The following MVB12B variants were observed in gnomAD, a reference collection of about 807,000 sequenced individuals.
MVB12B encodes multivesicular body subunit 12B.
A neutral mutation model predicts 41.6 loss-of-function variants in MVB12B; 16 were observed. That is an observed-to-expected ratio of 0.38 (90% confidence interval 0.26 to 0.58). The LOEUF (loss-of-function observed/expected upper bound fraction) is 0.58, where lower values mean the gene tolerates loss of function less well. Ranked by LOEUF, MVB12B falls within the 20% of genes least tolerant of loss-of-function variation. The pLI is 0.62. For missense variants in MVB12B, 274 were observed against 380.2 expected, an observed-to-expected ratio of 0.72 and a Z score of 2.32; for synonymous variants, 133 against 139.7, an observed-to-expected ratio of 0.95 and a Z score of 0.34.
At chr9:126,492,160 T>A (rs1199803509) in intron 9 of MVB12B, among the ~76,000 whole-genome samples, 1 of 147,818 alleles carries the variant, frequency 6.8e-6, no homozygotes, top group Non-Finnish European at 1.5e-5. Context: ...CATGCAGTAC[T>A]GCCGGCTGCG....
intron 7 of MVB12B, among the ~76,000 whole-genome samples, chr9:126,470,459 C>G (rs1309619919): frequency 6.6e-6 from 1 of 152,190 alleles, no homozygotes. Context: ...TGCCCTGGAC[C>G]TGCATGAGGT....
intron 6 of MVB12B, among the ~76,000 whole-genome samples, chr9:126,413,780 T>C (rs1831717711): frequency 6.6e-6 from 1 of 152,036 alleles, no homozygotes; most frequent in African/African-American, 2.4e-5. Flanking sequence ...TGTATCCTCT[T>C]TTCATTGCAT....
At chr9:126,431,818 T>G (rs1444205549) in intron 7 of MVB12B, among the ~76,000 whole-genome samples, 1 of 152,230 alleles carries the variant, frequency 6.6e-6, no homozygotes, top group Non-Finnish European at 1.5e-5. Flanking sequence ...CTAGCCTTTC[T>G]GGATCTAAAT....
At chr9:126,390,280 A>G (rs1010434447) in intron 4 of MVB12B, among the ~76,000 whole-genome samples, 3 of 152,206 alleles carry the variant, frequency 2.0e-5, no homozygotes, top group Admixed American at 6.5e-5. Flanking sequence ...ATGTGTTGGC[A>G]CAGTGCATCC....
chr9:126,480,042 C>G lies in MVB12B; in HGVS notation c.758-1327C>G, dbSNP rs935331169. Among the ~76,000 whole-genome samples the G allele has an allele frequency of 2.0e-5, 3 of 152,194 alleles. No individual in the cohort carries two copies. The highest frequency in any genetic ancestry group is 2.1e-4 in the South Asian group (1 of 4,832). ...TGAAGGTTCCAGAGAAGTCATCATT[C>G]CAGGAGACACTGGGGGAAGCAAAGA... On this transcript the variant is annotated intron_variant, in intron 7 of 9. Coordinates refer to ENST00000361171, the MANE Select transcript of MVB12B (RefSeq NM_033446.3). The surrounding 1 kb of genome is among the most constrained non-coding windows in gnomAD (Gnocchi z 4.9).
At chr9:126,470,165 G>C (rs892391325) in intron 7 of MVB12B, among the ~76,000 whole-genome samples, 19 of 152,180 alleles carry the variant, frequency 1.2e-4, no homozygotes, top group African/African-American at 4.3e-4. Context: ...AAAAACAGGA[G>C]TGCAGCCATA....
chr9:126,432,872 G>T (rs1832365370), intron 7 of MVB12B, among the ~76,000 whole-genome samples: 1 of 152,224 alleles, frequency 6.6e-6, no homozygotes, highest in Non-Finnish European at 1.5e-5. Flanking sequence ...GACCTGGAGT[G>T]AATCGTGCTA....
At chr9:126,441,764 T>C (rs1374982775) in intron 7 of MVB12B, among the ~76,000 whole-genome samples, 1 of 152,232 alleles carries the variant, frequency 6.6e-6, no homozygotes, top group East Asian at 1.9e-4. Context: ...ATGTAATTAG[T>C]GATAACATTA....
intron 6 of MVB12B, chr9:126,397,300 A>C (rs986271652): frequency 6.1e-6 from 6 of 985,384 alleles, no homozygotes; most frequent in African/African-American, 1.7e-5. Flanking sequence ...GAGAGCTCTC[A>C]GAAGCCTGCT....
chr9:126,429,122 C>T (rs1156929266), intron 7 of MVB12B, among the ~76,000 whole-genome samples: 1 of 152,116 alleles, frequency 6.6e-6, no homozygotes, highest in African/African-American at 2.4e-5. Flanking sequence ...AATAATTGTG[C>T]TTGAACCAAG....
intron 7 of MVB12B, among the ~76,000 whole-genome samples, chr9:126,438,562 A>G (rs1832552165): frequency 6.6e-6 from 1 of 152,190 alleles, no homozygotes; most frequent in Non-Finnish European, 1.5e-5. Flanking sequence ...CCAGGTTCTC[A>G]GATAACACTC....
chr9:126,384,602 C>T (rs146889721), intron 3 of MVB12B, among the ~76,000 whole-genome samples: 113 of 152,170 alleles, frequency 7.4e-4, no homozygotes, highest in Middle Eastern at 3.4e-3. Context: ...AATCTCAGCT[C>T]ACTGCAGCCT....
At chr9:126,336,596 C>G (rs1478477932) in intron 1 of MVB12B, among the ~76,000 whole-genome samples, 1 of 152,240 alleles carries the variant, frequency 6.6e-6, no homozygotes, top group African/African-American at 2.4e-5. Flanking sequence ...AAGCTGGAAG[C>G]AGGCTTGCTC....
Position 126,467,240 on chromosome 9 carries a change from C to A in MVB12B, c.758-14129C>A, listed in dbSNP as rs1026002975. 2.0e-5 allele frequency among the ~76,000 whole-genome samples: 3 copies of A among 152,140 alleles called. No individual in the cohort carries two copies. In the East Asian group the frequency reaches 5.8e-4, roughly 29 times the overall value. On this transcript the variant is annotated intron_variant, in intron 7 of 9. Transcript: ENST00000361171. ...TAGATCCTATCCTTTACTTCAGTAT[C>A]CTGTACCTTGTGTAATATCCCTTGT...
At chr9:126,451,019 G>T (rs918965944) in intron 7 of MVB12B, among the ~76,000 whole-genome samples, 1 of 152,204 alleles carries the variant, frequency 6.6e-6, no homozygotes, top group African/African-American at 2.4e-5. Flanking sequence ...TGGGCTCTGC[G>T]GTGAGTGGCT....
chr9:126,400,072 G>T (rs544662759), intron 6 of MVB12B, among the ~76,000 whole-genome samples: 4 of 152,316 alleles, frequency 2.6e-5, no homozygotes, highest in Middle Eastern at 3.4e-3. Context: ...GGCCCTGAGT[G>T]GAGTCCTGCT....
chr9:126,482,242 C>G (rs1833539025), intron 8 of MVB12B, among the ~76,000 whole-genome samples: 1 of 152,268 alleles, frequency 6.6e-6, no homozygotes, highest in African/African-American at 2.4e-5. Flanking sequence ...AAACCCGTTT[C>G]TGGTTTTGAT....
intron 7 of MVB12B, among the ~76,000 whole-genome samples, chr9:126,457,651 G>T (rs143970423): frequency 3.3e-5 from 5 of 152,084 alleles, no homozygotes; most frequent in African/African-American, 7.2e-5. Flanking sequence ...GTGAGGATGC[G>T]GTTGCCAGTA....
At chr9:126,404,788 G>A (rs1831370896) in intron 6 of MVB12B, among the ~76,000 whole-genome samples, 1 of 152,232 alleles carries the variant, frequency 6.6e-6, no homozygotes, top group South Asian at 2.1e-4. Flanking sequence ...TTTAAGCAGG[G>A]TTACGAGCAG....
Sources: allele counts gnomAD v4.1 joint callset (sites outside exome capture counted in the v4.1 genomes callset), GRCh38; gene constraint gnomAD v4.1.1; non-coding constraint Gnocchi (gnomAD v3.1); transcripts MANE v1.5; gene names NCBI Gene and HGNC (gene_info 2026-07-23, HGNC 2026-07-21).